Variants in MDH2 observed in about 807,000 individuals in gnomAD.
MDH2 encodes malate dehydrogenase 2.
Under a neutral mutation model 33.6 loss-of-function variants are expected in MDH2, and 25 were observed. That is an observed-to-expected ratio of 0.74 (90% CI 0.54 to 1.04). The LOEUF (loss-of-function observed/expected upper bound fraction) is 1.04. Among genes scored for constraint, MDH2 ranks in the 50% least tolerant of loss-of-function variants. The probability of loss-of-function intolerance (pLI) is 0.00; values close to 1 mark genes in which losing one functional copy is unlikely to be tolerated. For missense variants in MDH2, 432 were observed against 445.0 expected (o/e 0.97, Z 0.26); for synonymous variants, 193 against 188.7 (o/e 1.02, Z -0.19).
chr7:76,064,532 G>A (rs1240171682), intron 7 of MDH2, 94 bp downstream of exon 7: 10 of 1,152,940 alleles, frequency 8.7e-6, no homozygotes, highest in East Asian at 2.6e-5. Context: ...GGGCATGGAC[G>A]ATCCTTTTCA....
intron 8 of MDH2, among the ~76,000 whole-genome samples, chr7:76,065,343 G>C (rs1432770952): frequency 6.6e-6 from 1 of 152,136 alleles, no homozygotes; most frequent in African/African-American, 2.4e-5. Flanking sequence ...TCGAGAGTGT[G>C]CCCCATCCAG....
chr7:76,056,471 A>G (rs186435832), intron 2 of MDH2, among the ~76,000 whole-genome samples: 6 of 152,158 alleles, frequency 3.9e-5, no homozygotes, highest in Non-Finnish European at 5.9e-5. Flanking sequence ...GGCAAATTTT[A>G]TGTTCGTGCA....
chr7:76,057,364 C>G (rs782276132), intron 2 of MDH2, 46 bp from the exon 3 acceptor site: 18 of 1,609,450 alleles, frequency 1.1e-5, no homozygotes, highest in Middle Eastern at 1.6e-4. Context: ...CCAGGCCTCT[C>G]TGAATCAGAA....
intron 2 of MDH2, among the ~76,000 whole-genome samples, chr7:76,057,047 G>A (rs1441671079): frequency 6.6e-6 from 1 of 152,092 alleles, no homozygotes; most frequent in Non-Finnish European, 1.5e-5. Flanking sequence ...TCAGGATTGT[G>A]GTGATGGGGA....
At chr7:76,048,300 A>G in intron 1 of MDH2, 74 bp downstream of exon 1, 1 of 1,495,034 alleles carries the variant, frequency 6.7e-7, no homozygotes, top group Non-Finnish European at 8.9e-7. Context: ...GTTCGCGGGC[A>G]GCTCTGACCC....
At chr7:76,054,732 G>C (rs545666167) in intron 1 of MDH2, 98 bp from the exon 2 acceptor site, 1 of 1,352,888 alleles carries the variant, frequency 7.4e-7, no homozygotes, top group South Asian at 1.2e-5. Context: ...TTTGGCAACT[G>C]CAGTAAAAAG....
intron 1 of MDH2, 100 bp from the exon 2 acceptor site, chr7:76,054,730 C>G: frequency 7.5e-7 from 1 of 1,337,012 alleles, no homozygotes; most frequent in Non-Finnish European, 1.1e-6. Context: ...GCTTTGGCAA[C>G]TGCAGTAAAA....
chr7:76,053,989 T>C (rs1228101608), intron 1 of MDH2, among the ~76,000 whole-genome samples: 2 of 152,248 alleles, frequency 1.3e-5, no homozygotes, highest in African/African-American at 4.8e-5. Flanking sequence ...CCTGTTCTTC[T>C]GATTAGCCTG....
At chr7:76,058,184 G>A (rs1403067807) in intron 4 of MDH2, 106 bp downstream of exon 4, 2 of 1,039,892 alleles carry the variant, frequency 1.9e-6, no homozygotes, top group Non-Finnish European at 2.8e-6. Flanking sequence ...GTGCTGGGGG[G>A]ATGGGGGGAT....
intron 1 of MDH2, chr7:76,048,435 C>G (rs965880600): frequency 1.2e-5 from 14 of 1,125,276 alleles, no homozygotes; most frequent in Middle Eastern, 3.1e-4. Flanking sequence ...GCGAGGTAGT[C>G]CCGCTCCAGG....
intron 1 of MDH2, among the ~76,000 whole-genome samples, chr7:76,049,855 C>T (rs2116641809): frequency 6.6e-6 from 1 of 152,196 alleles, no homozygotes; most frequent in East Asian, 1.9e-4. Flanking sequence ...TTTTTTGATG[C>T]AGTGCCTCGC....
chr7:76,050,534 G>C (rs1025777807), intron 1 of MDH2, among the ~76,000 whole-genome samples: 2 of 152,244 alleles, frequency 1.3e-5, no homozygotes, highest in African/African-American at 2.4e-5. Flanking sequence ...TTCCAGAGAA[G>C]GCAGTGGAGG....
chr7:76,058,481 AC>A (rs1797851893), intron 4 of MDH2, among the ~76,000 whole-genome samples: 1 of 152,176 alleles, frequency 6.6e-6, no homozygotes, highest in African/African-American at 2.4e-5. Context: ...AGGTGCCTGA[AC>A]CCTGAACCCT....
rs191822966 is a variant in MDH2 at position 76,066,646 on chromosome 7, T to C, written c.*236T>C. On this transcript the variant is annotated 3_prime_UTR_variant, in exon 9 of 9. Transcript: ENST00000315758. The stretch of plus-strand genomic sequence containing the variant: ...CTTTCTTCCCTGTGAGAGCCAACTT[T>C]AGAGTGTCTGCTACCTCTTCATTAC... 1 of 410,670 alleles carries C rather than the reference T, an allele frequency of 2.4e-6. No homozygotes were observed. Among genetic ancestry groups the C allele is most frequent in the Admixed American group, 4.2e-5 (1 of 23,870 alleles). 25.4% of individuals were successfully genotyped at this position (410,670 alleles called of 1,614,324 possible).
intron 1 of MDH2, chr7:76,048,541 T>C: frequency 7.6e-7 from 1 of 1,316,884 alleles, no homozygotes; most frequent in Non-Finnish European, 9.6e-7. Flanking sequence ...ACCAGGGCTC[T>C]GCATCTGAAA....
Position 76,063,599 on chromosome 7 carries a change from G to C in MDH2, c.633+7G>C. 6.2e-7 allele frequency: 1 copy of C among 1,613,248 alleles called. No homozygotes were observed. The highest frequency in any genetic ancestry group is 8.5e-7 in the Non-Finnish European group (1 of 1,179,180). The stretch of plus-strand genomic sequence containing the variant: ...CATCCCCCTGATCTCTCAGGTACAC[G>C]CATATGACCCTGTGAGGGGCTTCGA... On this transcript the variant is annotated splice_region_variant and intron_variant, in intron 6 of 8. Transcript: ENST00000315758.
intron 1 of MDH2, chr7:76,048,986 G>GT: frequency 2.7e-5 from 1 of 36,730 alleles, no homozygotes; most frequent in Non-Finnish European, 3.8e-5. Context: ...GACTGCGGGG[G>GT]GGGGGGGGGG....
chr7:76,063,328 C>A (rs1033892627), intron 5 of MDH2, among the ~76,000 whole-genome samples, 187 bp from the exon 6 acceptor site: 2 of 152,232 alleles, frequency 1.3e-5, no homozygotes, highest in Admixed American at 6.5e-5. Flanking sequence ...CGCTCATGCT[C>A]AGCCTTTTGG....
chr7:76,052,430 C>CAAAAA (rs57185949), intron 1 of MDH2, among the ~76,000 whole-genome samples: 1 of 128,746 alleles, frequency 7.8e-6, no homozygotes, highest in African/African-American at 3.3e-5. Context: ...GACCCTATCT[C>CAAAAA]AAAAAAAAAA....
Sources: allele counts gnomAD v4.1 joint callset (sites outside exome capture counted in the v4.1 genomes callset), GRCh38; gene constraint gnomAD v4.1.1; transcripts MANE v1.5; gene names NCBI Gene and HGNC (gene_info 2026-07-23, HGNC 2026-07-21).